The following ZFC3H1 variants were observed in gnomAD, a reference collection of about 807,000 sequenced individuals.
ZFC3H1 encodes the protein zinc finger C3H1 domain-containing protein.
Under a neutral mutation model 243.7 loss-of-function variants are expected in ZFC3H1, and 71 were observed. That is an observed-to-expected ratio of 0.29 (90% CI 0.24 to 0.36). ZFC3H1 has a LOEUF of 0.36. Ranked by LOEUF, ZFC3H1 falls within the 10% of genes least tolerant of loss-of-function variation. The probability of loss-of-function intolerance (pLI) is 1.00; values close to 1 mark genes in which losing one functional copy is unlikely to be tolerated. For missense variants in ZFC3H1, 1,966 were observed against 2,317.1 expected (o/e 0.85, Z 3.11); for synonymous variants, 838 against 813.0 (o/e 1.03, Z -0.52).
intron 5 of ZFC3H1, among the ~76,000 whole-genome samples, chr12:71,643,290 G>A (rs1035226828): frequency 5.9e-5 from 9 of 152,022 alleles, no homozygotes; most frequent in Non-Finnish European, 8.8e-5. Context: ...GTGGGTGCCT[G>A]TAATCCCAGC....
rs1879741770 is a variant in ZFC3H1, at chr12:71,610,472, G to T, written c.5926C>A (p.Leu1976Ile). 3.7e-6 allele frequency: 6 copies of T among 1,613,432 alleles called. No homozygotes were observed. The highest frequency in any genetic ancestry group is 5.1e-6 in the Non-Finnish European group (6 of 1,179,612). Residue 1976 changes from leucine to isoleucine, a missense_variant, in exon 35 of 35, where the codon CTC (leucine) becomes ATC (isoleucine). Leu to Ile is a conservative substitution (Grantham distance 5). This residue lies in a region of ZFC3H1 where 1,383 missense variants were observed against 1,723.7 expected (regional missense o/e 0.80). Coordinates refer to ENST00000378743, the MANE Select transcript of ZFC3H1 (RefSeq NM_144982.5). ...GTTTTGTTACTGTTTAAATTTAAGAGCTCATTTAGGCTGACTCCAATCTCT... is the reference window on the plus strand; with the variant it reads ...GTTTTGTTACTGTTTAAATTTAAGATCTCATTTAGGCTGACTCCAATCTCT... ...CQEIGVSLNELLNLNSNKTES... is the reference protein window; with the variant it reads ...CQEIGVSLNEILNLNSNKTES...
chr12:71,645,002 T>C lies in ZFC3H1; in HGVS notation c.1154A>G (p.Lys385Arg). 6.2e-7 allele frequency: 1 copy of C among 1,613,910 alleles called. No homozygotes were observed. The highest frequency in any genetic ancestry group is 1.1e-5 in the South Asian group (1 of 91,062). The change falls in exon 4 of 35, where the codon AAA becomes AGA. Residue 385 changes from lysine (K) to arginine (R), a missense_variant. Lys to Arg is a conservative substitution (Grantham distance 26, BLOSUM62 2). Around this residue, in one of 4 missense-constraint regions of ZFC3H1, gnomAD observed 91 missense variants for 107.6 expected, o/e 0.85. Transcript: ENST00000378743. ...CACCTGCTGTTCTTTTTGTTGCCATTTTTTACTGGCTGACTGAAGAGCCAA... is the reference window on the plus strand; with the variant it reads ...CACCTGCTGTTCTTTTTGTTGCCATCTTTTACTGGCTGACTGAAGAGCCAA... The part of the protein sequence containing the change: ...RLLALQSASK[K>R]WQQKEQQVMK...
At chr12:71,649,961 G>A (rs1880837795) in intron 2 of ZFC3H1, among the ~76,000 whole-genome samples, 1 of 152,232 alleles carries the variant, frequency 6.6e-6, no homozygotes, top group African/African-American at 2.4e-5. Context: ...GGCCAAGGCG[G>A]GTGGATCACG....
At position 71,630,865 on chromosome 12, in the gene ZFC3H1, C is replaced by T. The variant is rs766063888; in HGVS notation, c.3560G>A (p.Arg1187His). ...NMIEPDQCFC[R>H]FDLTGTCNDD... ...ATTACATGTTCCTGTTAAATCAAAA[C>T]GGCAGAAACACTGATCCGGTTCAAT... The change falls in exon 17 of 35, where the codon CGT becomes CAT. Residue 1187 changes from arginine to histidine, a missense_variant. By Grantham distance (29) the Arg-to-His change is conservative. Coordinates refer to ENST00000378743, the MANE Select transcript of ZFC3H1 (RefSeq NM_144982.5). The T allele has an allele frequency of 5.0e-6, 8 of 1,613,306 alleles. No homozygotes were observed. The highest frequency in any genetic ancestry group is 2.2e-5 in the East Asian group (1 of 44,784).
At chr12:71,645,129 A>G (rs1459979498) in intron 3 of ZFC3H1, 54 bp from the exon 4 acceptor site, 2 of 1,460,972 alleles carry the variant, frequency 1.4e-6, no homozygotes, top group Non-Finnish European at 9.1e-7. Flanking sequence ...TTTAGCTTAC[A>G]CATTTCATCA....
intron 1 of ZFC3H1, among the ~76,000 whole-genome samples, chr12:71,662,544 A>C (rs1279536892): frequency 6.6e-6 from 1 of 150,418 alleles, no homozygotes; most frequent in African/African-American, 2.4e-5. Flanking sequence ...TCAAGATAAA[A>C]ACAGAATCAC....
chr12:71,619,594 T>C (rs1192269789), intron 26 of ZFC3H1, among the ~76,000 whole-genome samples, 185 bp from the exon 27 acceptor site: 1 of 152,172 alleles, frequency 6.6e-6, no homozygotes, highest in African/African-American at 2.4e-5. Context: ...TGAATTAAGT[T>C]CAACTAATGA....
rs1304284661 is a variant in ZFC3H1, at chr12:71,662,940, C to T, written c.598+73G>A. ...TCTGATGATTCAAAGTTACACTCGT[C>T]TCACAGACCTAGTAATGACGCTAAA... is the stretch of plus-strand genomic sequence containing the variant. On this transcript the variant is annotated intron_variant, in intron 1 of 34. Coordinates refer to ENST00000378743, the MANE Select transcript of ZFC3H1 (RefSeq NM_144982.5). 7 of 1,412,448 alleles carry T rather than the reference C, an allele frequency of 5.0e-6. No individual in the cohort carries two copies. The Admixed American group carries it at 1.6e-4, about 32-fold the overall frequency. The allele number at this position is 1,412,448 out of a possible 1,614,324, so 87.5% of individuals were successfully genotyped here. A position where few individuals can be genotyped will look rare whatever the true frequency, so the allele number is the denominator to read the frequency against.
chr12:71,635,042 T>A (rs960899733), intron 10 of ZFC3H1, among the ~76,000 whole-genome samples: 7 of 152,140 alleles, frequency 4.6e-5, no homozygotes, highest in Non-Finnish European at 7.4e-5. Context: ...CTGAAAATCA[T>A]TGAATTAAAT....
intron 18 of ZFC3H1, 34 bp from the exon 19 acceptor site, chr12:71,629,744 T>C: frequency 7.6e-7 from 1 of 1,308,810 alleles, no homozygotes; most frequent in Non-Finnish European, 1.1e-6. Context: ...TCATGATAAA[T>C]ATCAATTACA....
intron 27 of ZFC3H1, among the ~76,000 whole-genome samples, chr12:71,617,951 A>T (rs760722840): frequency 8.5e-5 from 13 of 152,138 alleles, no homozygotes; most frequent in Non-Finnish European, 1.8e-4. Flanking sequence ...ATCTTAAATA[A>T]AACTGCCATG....
At chr12:71,646,612 G>A (rs536568389) in intron 3 of ZFC3H1, among the ~76,000 whole-genome samples, 2 of 152,210 alleles carry the variant, frequency 1.3e-5, no homozygotes, top group East Asian at 1.9e-4. Flanking sequence ...TTGTTTTCTT[G>A]TTTTAAATTA....
At chr12:71,629,071 T>A (rs532828983) in intron 19 of ZFC3H1, 34 bp from the exon 20 acceptor site, 2 of 1,538,850 alleles carry the variant, frequency 1.3e-6, no homozygotes, top group Admixed American at 2.1e-5. Context: ...TTAATTGATA[T>A]AACTAGTTTT....
At chr12:71,611,370 C>CAAA (rs932829090) in intron 32 of ZFC3H1, 7 of 225,726 alleles carry the variant, frequency 3.1e-5, no homozygotes, top group African/African-American at 1.7e-4. Flanking sequence ...ACAACAACAA[C>CAAA]AAAAAAAAAA....
At chr12:71,611,277 T>A (rs1389140060) in intron 32 of ZFC3H1, 180 bp from the exon 33 acceptor site, 8 of 494,538 alleles carry the variant, frequency 1.6e-5, no homozygotes, top group Non-Finnish European at 2.2e-5. Context: ...AAAGAAAAAT[T>A]CAACAATTTT....
chr12:71,634,381 T>C (rs1880407601), intron 11 of ZFC3H1, 77 bp from the exon 12 acceptor site: 5 of 1,460,150 alleles, frequency 3.4e-6, no homozygotes, highest in Non-Finnish European at 4.6e-6. Context: ...TTCTATTTCA[T>C]GCAGTAACAA....
chr12:71,634,316 A>G lies in ZFC3H1; in HGVS notation c.2361-12T>C, dbSNP rs897926676. 4 of 1,611,610 alleles carry G rather than the reference A, an allele frequency of 2.5e-6. No individual in the cohort carries two copies. The East Asian group carries it at 6.7e-5, about 27-fold the overall frequency. ...GCTGTTTCTCACGGCTAAAATTATC[A>G]AAAAGGATATATGCATTACACCCAA... On this transcript the variant is annotated splice_polypyrimidine_tract_variant and intron_variant, in intron 11 of 34. Transcript: ENST00000378743.
chr12:71,636,717 A>G (rs1880471604), intron 8 of ZFC3H1, 63 bp from the exon 9 acceptor site: 2 of 1,561,432 alleles, frequency 1.3e-6, no homozygotes, highest in African/African-American at 2.8e-5. Flanking sequence ...GCCACCTTTA[A>G]AAATCTTGAG....
In ZFC3H1 at chr12:71,619,951, T is replaced by A; in HGVS notation, c.5024A>T (p.His1675Leu). 1 of 1,593,160 alleles carries A rather than the reference T, an allele frequency of 6.3e-7. No individual in the cohort carries two copies. The highest frequency in any genetic ancestry group is 8.6e-7 in the Non-Finnish European group (1 of 1,167,610). The stretch of plus-strand genomic sequence containing the variant: ...CTGTAAGATGAAGAATTTGCACATA[T>A]GATAAAAAACCTCTGCATTCTGAGG... ...KNPQNAEVFY[H>L]MCKFFILQNR... Residue 1675 changes from histidine (H) to leucine (L), a missense_variant, in exon 26 of 35, where the codon CAT becomes CTT. By Grantham distance (99) the His-to-Leu change is moderately conservative. Coordinates refer to ENST00000378743, the MANE Select transcript of ZFC3H1 (RefSeq NM_144982.5).
Sources: allele counts gnomAD v4.1 joint callset (sites outside exome capture counted in the v4.1 genomes callset), GRCh38; gene constraint gnomAD v4.1.1; regional missense constraint gnomAD v4.1.1; transcripts MANE v1.5; gene names NCBI Gene and HGNC (gene_info 2026-07-23, HGNC 2026-07-21).